HCN1: variants seen among roughly 807,000 people sequenced by gnomAD.
HCN1 encodes potassium/sodium hyperpolarization-activated cyclic nucleotide-gated channel 1.
In HCN1, 13 loss-of-function variants were observed where a neutral mutation model predicts 78.9. That is an observed-to-expected ratio of 0.16 (90% CI 0.11 to 0.26). The LOEUF (loss-of-function observed/expected upper bound fraction) is 0.26. Among genes scored for constraint, HCN1 ranks in the 10% least tolerant of loss-of-function variants. The probability of loss-of-function intolerance (pLI) is 1.00; values close to 1 mark genes in which losing one functional copy is unlikely to be tolerated. For synonymous variants in HCN1, 552 were observed against 455.5 expected, an observed-to-expected ratio of 1.21 and a Z score of -2.70; for missense variants, 810 against 1,154.3, an observed-to-expected ratio of 0.70 and a Z score of 4.32.
chr5:45,371,459 A>G (rs2112004723), intron 4 of HCN1, among the ~76,000 whole-genome samples: 1 of 151,986 alleles, frequency 6.6e-6, no homozygotes, highest in South Asian at 2.1e-4. Context: ...CACTGAACCC[A>G]CTGAAATACA....
At chr5:45,625,622 T>TA (rs1251626908) in intron 2 of HCN1, among the ~76,000 whole-genome samples, 2 of 151,052 alleles carry the variant, frequency 1.3e-5, no homozygotes, top group East Asian at 3.9e-4. Context: ...GAGAAAACTT[T>TA]AAAAAAAAGA....
intron 2 of HCN1, among the ~76,000 whole-genome samples, chr5:45,569,784 A>C (rs1743786706): frequency 6.6e-6 from 1 of 152,074 alleles, no homozygotes; most frequent in Non-Finnish European, 1.5e-5. Context: ...TAATTAATCT[A>C]TATTTTTACA....
intron 4 of HCN1, among the ~76,000 whole-genome samples, chr5:45,356,386 T>C (rs768965956): frequency 7.9e-5 from 12 of 152,064 alleles, no homozygotes; most frequent in Admixed American, 7.2e-4. Flanking sequence ...TAAAAATTTA[T>C]AAAAGTATGC....
chr5:45,374,878 GTA>G (rs954228938), intron 4 of HCN1, among the ~76,000 whole-genome samples: 6 of 143,786 alleles, frequency 4.2e-5, no homozygotes, highest in African/African-American at 1.5e-4. Context: ...TGGTTCATGG[GTA>G]TATATATAGA....
intron 5 of HCN1, among the ~76,000 whole-genome samples, chr5:45,314,633 C>G (rs569167896): frequency 2.0e-5 from 3 of 152,112 alleles, no homozygotes; most frequent in South Asian, 2.1e-4. Flanking sequence ...TGCTGTGTTC[C>G]ATTCAAGACC....
intron 3 of HCN1, among the ~76,000 whole-genome samples, chr5:45,453,024 TA>T (rs959113724): frequency 1.3e-5 from 2 of 151,980 alleles, no homozygotes; most frequent in African/African-American, 4.8e-5. Flanking sequence ...GCAGGAGGGA[TA>T]AAAATGAGAT....
At chr5:45,531,099 A>G (rs934749325) in intron 2 of HCN1, among the ~76,000 whole-genome samples, 36 of 152,088 alleles carry the variant, frequency 2.4e-4, no homozygotes, top group African/African-American at 8.4e-4. Context: ...TCACATGAAA[A>G]AAACAGCAAT....
intron 2 of HCN1, among the ~76,000 whole-genome samples, chr5:45,531,659 T>A (rs906647434): frequency 4.6e-5 from 7 of 152,150 alleles, no homozygotes; most frequent in African/African-American, 1.7e-4. Context: ...TCTCTGTCAT[T>A]CTGATTTTTT....
chr5:45,282,544 C>T (rs567483533), intron 6 of HCN1, among the ~76,000 whole-genome samples: 1 of 152,178 alleles, frequency 6.6e-6, no homozygotes, highest in Non-Finnish European at 1.5e-5. Flanking sequence ...TGACCATTCA[C>T]ATTTGGATGC....
Position 45,353,177 on chromosome 5 carries a change from A to G in HCN1, c.1300T>C (p.Tyr434His), listed in dbSNP as rs777839957. 6.2e-7 allele frequency: 1 copy of G among 1,608,996 alleles called. No homozygotes were observed. Among genetic ancestry groups the G allele is most frequent in the Non-Finnish European group, 8.5e-7 (1 of 1,175,842 alleles). Residue 434 changes from tyrosine to histidine, a missense_variant, in exon 5 of 8, where the codon TAC becomes CAC. Physicochemically the swap from Tyr to His is moderately conservative, Grantham distance 83 (BLOSUM62 2). Coordinates refer to ENST00000303230, the MANE Select transcript of HCN1 (RefSeq NM_021072.4). ...PADMRQKIHDYYEHRYQGKIF... is the reference protein window; with the variant it reads ...PADMRQKIHDHYEHRYQGKIF... The stretch of plus-strand genomic sequence containing the variant: ...TTGCCTTGGTATCTGTGTTCATAGT[A>G]ATCATGTATCTTCTGACGCATATCA...
intron 2 of HCN1, among the ~76,000 whole-genome samples, chr5:45,494,781 G>A (rs1176996400): frequency 6.6e-5 from 10 of 152,184 alleles, no homozygotes; most frequent in Admixed American, 3.3e-4. Context: ...TTTGTCTAAG[G>A]TGTAAGGAAG....
At chr5:45,579,370 T>C (rs1307373362) in intron 2 of HCN1, among the ~76,000 whole-genome samples, 1 of 152,008 alleles carries the variant, frequency 6.6e-6, no homozygotes, top group Non-Finnish European at 1.5e-5. Flanking sequence ...CCTCATAAAT[T>C]GAACCTCACC....
At chr5:45,472,835 T>C (rs1397869586) in intron 2 of HCN1, among the ~76,000 whole-genome samples, 2 of 151,978 alleles carry the variant, frequency 1.3e-5, no homozygotes, top group Admixed American at 1.3e-4. Flanking sequence ...AGAATACCTG[T>C]CATCTTTTGT....
chr5:45,318,454 C>T (rs956516913), intron 5 of HCN1, among the ~76,000 whole-genome samples: 1 of 151,986 alleles, frequency 6.6e-6, no homozygotes, highest in African/African-American at 2.4e-5. Flanking sequence ...GGAAGATATA[C>T]CTAATGTAAA....
intron 5 of HCN1, among the ~76,000 whole-genome samples, chr5:45,313,420 A>C (rs1386708866): frequency 2.0e-5 from 3 of 152,228 alleles, no homozygotes; most frequent in African/African-American, 7.2e-5. Flanking sequence ...TGGGGAAAAA[A>C]ACAGAGCAGA....
Position 45,648,391 on chromosome 5 carries a change from G to A in HCN1, c.426-2783C>T, listed in dbSNP as rs568313137. ...CTAGCAATACTTAATATGGTCTGAA[G>A]CCATTAGATATCTCAATACCAGTAG... On this transcript the variant is annotated intron_variant, in intron 1 of 7. Transcript: ENST00000303230. Among the ~76,000 whole-genome samples the A allele has an allele frequency of 2.0e-3, 310 of 152,082 alleles. 2 individuals are homozygous for A. The highest frequency in any genetic ancestry group is 3.7e-3 in the Non-Finnish European group (253 of 68,018).
At chr5:45,301,061 A>G (rs1745606040) in intron 6 of HCN1, among the ~76,000 whole-genome samples, 1 of 152,084 alleles carries the variant, frequency 6.6e-6, no homozygotes, top group African/African-American at 2.4e-5. Flanking sequence ...AATGGGTTAT[A>G]ACCTCATGGT....
rs150075388 is a variant in HCN1, at chr5:45,675,696, T to G, written c.425+19973A>C. Among the ~76,000 whole-genome samples, 93 of 151,972 alleles carry G rather than the reference T, an allele frequency of 6.1e-4. 1 individual carries two copies. In the East Asian group the frequency reaches 0.017, roughly 28 times the overall value. The stretch of plus-strand genomic sequence containing the variant: ...GCTAATATGATTTCAAGGCCATCTC[T>G]ATAGCTCCCATCACCCACTTGCATC... On this transcript the variant is annotated intron_variant, in intron 1 of 7. Coordinates refer to ENST00000303230, the MANE Select transcript of HCN1 (RefSeq NM_021072.4).
intron 4 of HCN1, among the ~76,000 whole-genome samples, chr5:45,384,205 G>C (rs1385143232): frequency 6.6e-6 from 1 of 152,046 alleles, no homozygotes. Context: ...GTTTAGTAAA[G>C]CTGCTTACAA....
Sources: gnomAD v4.1 joint callset for allele counts (sites outside exome capture counted in the v4.1 genomes callset) on GRCh38, gnomAD v4.1.1 for gene constraint, MANE v1.5 for transcripts, NCBI Gene and HGNC (gene_info 2026-07-23, HGNC 2026-07-21) for gene names.